The following RRP1 variants were observed in gnomAD, a reference collection of about 807,000 sequenced individuals.
The protein encoded by RRP1 is ribosomal RNA processing protein 1 homolog A.
RRP1 carries 37 observed loss-of-function variants against 54.6 expected under a neutral mutation model. The observed-to-expected ratio is 0.68, with a 90% CI of 0.52 to 0.89. The LOEUF (loss-of-function observed/expected upper bound fraction) is 0.89. RRP1 is among the 40% of genes least tolerant of loss of function. RRP1 has a pLI of 0.00. For missense variants in RRP1, 639 were observed against 612.5 expected, an observed-to-expected ratio of 1.04 and a Z score of -0.46; for synonymous variants, 262 against 244.3, an observed-to-expected ratio of 1.07 and a Z score of -0.67.
At chr21:43,789,815 G>A in intron 1 of RRP1, 53 bp downstream of exon 1, 9 of 1,444,078 alleles carry the variant, frequency 6.2e-6, no homozygotes, top group South Asian at 5.6e-5. Context: ...GGCTGGTGCG[G>A]GTGTGGGCGG....
At position 43,799,717 on chromosome 21, in the gene RRP1, G is replaced by A. The variant is rs537412566; in HGVS notation, c.891+68G>A. 1.3e-3 allele frequency: 1,825 copies of A among 1,439,994 alleles called. 1 individual carries two copies. The highest frequency in any genetic ancestry group is 1.5e-3 in the Non-Finnish European group (1,551 of 1,040,856). 89.2% of individuals were successfully genotyped at this position (1,439,994 alleles called of 1,614,324 possible). A position where few individuals can be genotyped will look rare whatever the true frequency, so the allele number is the denominator to read the frequency against. On this transcript the variant is annotated intron_variant, in intron 9 of 12. Transcript: ENST00000497547. ...CTCTGTGCTACCGCTTGCTCTGGAA[G>A]AGGAGGGGGGCGTTAGGAGGGAGGA...
chr21:43,797,067 AG>A (rs2085026750), intron 5 of RRP1, among the ~76,000 whole-genome samples: 1 of 152,190 alleles, frequency 6.6e-6, no homozygotes, highest in Non-Finnish European at 1.5e-5. Context: ...AACACCAGGC[AG>A]GGCGTCTCGT....
rs754408625 is a variant in RRP1, at chr21:43,803,680, G to A, written c.1292G>A (p.Arg431His). The A allele has an allele frequency of 6.4e-6, 10 of 1,552,260 alleles. No homozygotes were observed. Among genetic ancestry groups the A allele is most frequent in the East Asian group, 2.4e-5 (1 of 41,226 alleles). The change falls in exon 13 of 13, where the codon CGC (arginine) becomes CAC (histidine). Residue 431 changes from arginine to histidine, a missense_variant. Transcript: ENST00000497547. ...QPRGRGQRGA[R>H]QRRRTPRPLT... ...AGGGGCCGTGGCCAGAGAGGGGCTC[G>A]CCAGAGAAGGAGGACACCTCGGCCC...
intron 3 of RRP1, 65 bp from the exon 4 acceptor site, chr21:43,793,254 C>T: frequency 1.9e-5 from 27 of 1,446,610 alleles, no homozygotes; most frequent in Non-Finnish European, 2.6e-5. Context: ...TCCATGTTCT[C>T]ACCTCCCTCC....
In RRP1 at chr21:43,805,193, T is replaced by A; in HGVS notation, c.*1419T>A. On this transcript the variant is annotated 3_prime_UTR_variant, in exon 13 of 13. Coordinates refer to ENST00000497547, the MANE Select transcript of RRP1 (RefSeq NM_003683.6). The stretch of plus-strand genomic sequence containing the variant: ...CGGGAGGCTGAGGCAGGAGAATTGC[T>A]TGAACCTGGGAGGCAGAGGTTGTGG... The A allele has an allele frequency of 6.6e-6, 1 of 151,932 alleles. No individual in the cohort carries two copies. The highest frequency in any genetic ancestry group is 2.1e-4 in the South Asian group (1 of 4,814). 9.4% of individuals were successfully genotyped at this position (151,932 alleles called of 1,614,324 possible).
intron 8 of RRP1, 58 bp downstream of exon 8, chr21:43,798,158 C>G: frequency 1.4e-6 from 2 of 1,458,092 alleles, no homozygotes; most frequent in Admixed American, 4.4e-5. Flanking sequence ...TGAGCCAGTG[C>G]GATCTCCTGC....
intron 11 of RRP1, among the ~76,000 whole-genome samples, chr21:43,801,940 G>C (rs184023278): frequency 6.6e-6 from 1 of 152,252 alleles, no homozygotes; most frequent in East Asian, 1.9e-4. Flanking sequence ...TTTCAGGTGA[G>C]GGCTGTTGAA....
intron 12 of RRP1, 80 bp downstream of exon 12, chr21:43,802,467 T>C (rs773017065): frequency 1.7e-5 from 19 of 1,092,110 alleles, no homozygotes; most frequent in Middle Eastern, 2.0e-4. Context: ...TCACCTGCAG[T>C]GTCTCCCCCT....
intron 12 of RRP1, 63 bp downstream of exon 12, chr21:43,802,450 A>C (rs1368945183): frequency 1.5e-6 from 2 of 1,341,586 alleles, no homozygotes; most frequent in African/African-American, 1.4e-5. Flanking sequence ...TCTCCCCTGG[A>C]TGGGGGTCAC....
chr21:43,795,197 G>A lies in RRP1; in HGVS notation c.369G>A (p.Arg123=), dbSNP rs1405331807. The A allele has an allele frequency of 6.2e-7, 1 of 1,614,112 alleles. No individual in the cohort carries two copies. Among genetic ancestry groups the A allele is most frequent in the Non-Finnish European group, 8.5e-7 (1 of 1,179,982 alleles). ...CTCCTTCTGTGTCAAAGCTCATGCG[G>A]ATGGTCCTGAACGAGTCCTTGAAGG... ...LRLDKFYMLM[R]MVLNESLKVL... is the part of the protein sequence containing the mutation. Residue 123 remains arginine (R), a synonymous_variant, in exon 5 of 13, where the codon CGG becomes CGA. Coordinates refer to ENST00000497547, the MANE Select transcript of RRP1 (RefSeq NM_003683.6).
At chr21:43,800,402 G>C (rs1044558471) in intron 9 of RRP1, 115 bp from the exon 10 acceptor site, 4 of 872,956 alleles carry the variant, frequency 4.6e-6, no homozygotes, top group Non-Finnish European at 7.4e-6. Context: ...CCTGTGAGCC[G>C]GGTGGAGAAC....
Position 43,805,192 on chromosome 21 carries a change from C to T in RRP1, c.*1418C>T, listed in dbSNP as rs2085131414. 6.6e-6 allele frequency: 1 copy of T among 151,200 alleles called. No homozygotes were observed. The highest frequency in any genetic ancestry group is 1.5e-5 in the Non-Finnish European group (1 of 68,064). 9.4% of individuals were successfully genotyped at this position (151,200 alleles called of 1,614,324 possible). The stretch of plus-strand genomic sequence containing the variant: ...TCGGGAGGCTGAGGCAGGAGAATTG[C>T]TTGAACCTGGGAGGCAGAGGTTGTG... On this transcript the variant is annotated 3_prime_UTR_variant, in exon 13 of 13. Transcript: ENST00000497547.
At chr21:43,802,177 A>G (rs4818868) in intron 11 of RRP1, 97 bp from the exon 12 acceptor site, 428,238 of 814,122 alleles carry the variant, frequency 0.53, 121,227 homozygotes, top group African/African-American at 0.8. Context: ...ACACATTGTC[A>G]GGAGGTGGTG....
At chr21:43,792,874 T>A in intron 3 of RRP1, 145 bp downstream of exon 3, 1 of 798,872 alleles carries the variant, frequency 1.3e-6, no homozygotes, top group Non-Finnish European at 2.1e-6. Flanking sequence ...TGTCTGTGGG[T>A]GCTTAGCATG....
intron 8 of RRP1, among the ~76,000 whole-genome samples, chr21:43,798,448 G>A (rs140731627): frequency 0.012 from 1,770 of 152,144 alleles, 26 homozygotes; most frequent in Middle Eastern, 0.024. Context: ...TCTGGGGCTG[G>A]ACTCTTTCAG....
At chr21:43,790,940 T>C in intron 1 of RRP1, 1 of 448,874 alleles carries the variant, frequency 2.2e-6, no homozygotes, top group Non-Finnish European at 4.5e-6. Flanking sequence ...TTCACTTTCT[T>C]CTTTTAGTAT....
intron 5 of RRP1, 51 bp downstream of exon 5, chr21:43,795,301 A>C (rs2090547704): frequency 6.4e-7 from 1 of 1,560,368 alleles, no homozygotes; most frequent in South Asian, 1.1e-5. Flanking sequence ...CGGGGACCGC[A>C]GTCGTGTTTG....
intron 4 of RRP1, among the ~76,000 whole-genome samples, chr21:43,794,925 C>T (rs1234330981): frequency 2.6e-5 from 4 of 152,154 alleles, no homozygotes; most frequent in African/African-American, 7.2e-5. Context: ...CTATTACCCC[C>T]GACCCCCCAT....
Position 43,799,636 on chromosome 21 carries a change from G to A in RRP1, c.878G>A (p.Gly293Asp). 6.2e-7 allele frequency: 1 copy of A among 1,610,780 alleles called. No homozygotes were observed. Among genetic ancestry groups the A allele is most frequent in the East Asian group, 2.2e-5 (1 of 44,784 alleles). Residue 293 changes from glycine (G) to aspartate (D), a missense_variant, in exon 9 of 13, where the codon GGC becomes GAC. Physicochemically the swap from Gly to Asp is moderately conservative, Grantham distance 94. Transcript: ENST00000497547. The stretch of plus-strand genomic sequence containing the variant: ...GCAGGTGACGACAGGGACAGTGGCG[G>A]CCCCGTTCTCCAGGTGGGTTCCCTG... ...EQAGDDRDSGGPVLQFDYEAV... is the reference protein window; with the variant it reads ...EQAGDDRDSGDPVLQFDYEAV...
Sources: gnomAD v4.1 joint callset for allele counts (sites outside exome capture counted in the v4.1 genomes callset) on GRCh38, gnomAD v4.1.1 for gene constraint, MANE v1.5 for transcripts, NCBI Gene and HGNC (gene_info 2026-07-23, HGNC 2026-07-21) for gene names.